Variants in SLC30A9 observed in about 807,000 individuals in gnomAD.
SLC30A9 encodes the protein proton-coupled zinc antiporter SLC30A9, mitochondrial.
Under a neutral mutation model 87.5 loss-of-function variants are expected in SLC30A9, and 58 were observed. That is an observed-to-expected ratio of 0.66 (90% CI 0.54 to 0.82). The LOEUF is 0.82. Ranked by LOEUF, SLC30A9 falls within the 40% of genes least tolerant of loss-of-function variation. The probability of loss-of-function intolerance (pLI) is 0.00; values close to 1 mark genes in which losing one functional copy is unlikely to be tolerated. For synonymous variants in SLC30A9, 234 were observed against 233.0 expected (o/e 1.00, Z -0.04); for missense variants, 557 against 679.1 (o/e 0.82, Z 2.00).
chr4:42,064,686 G>A (rs536070460), intron 11 of SLC30A9, among the ~76,000 whole-genome samples: 1 of 152,250 alleles, frequency 6.6e-6, no homozygotes, highest in South Asian at 2.1e-4. Flanking sequence ...TTTCAGTTGT[G>A]TATAAGTTTT....
chr4:42,011,185 T>A (rs1715427519), intron 2 of SLC30A9, among the ~76,000 whole-genome samples: 1 of 152,190 alleles, frequency 6.6e-6, no homozygotes, highest in Non-Finnish European at 1.5e-5. Context: ...AGAGGCCTCA[T>A]GTGGCAGAAG....
At chr4:42,055,796 T>A (rs767143133) in intron 9 of SLC30A9, among the ~76,000 whole-genome samples, 1 of 152,194 alleles carries the variant, frequency 6.6e-6, no homozygotes, top group Non-Finnish European at 1.5e-5. Flanking sequence ...ACTAGAAAGA[T>A]CTTCTAAGGT....
intron 2 of SLC30A9, among the ~76,000 whole-genome samples, chr4:42,007,765 A>G (rs78011852): frequency 1.3e-5 from 2 of 152,158 alleles, no homozygotes; most frequent in Non-Finnish European, 2.9e-5. Context: ...TCAAAAAACA[A>G]AAGATGTCAC....
At chr4:42,014,664 C>T (rs972738370) in intron 2 of SLC30A9, among the ~76,000 whole-genome samples, 4 of 151,984 alleles carry the variant, frequency 2.6e-5, no homozygotes, top group Admixed American at 6.6e-5. Flanking sequence ...AAGTGTCCAT[C>T]AGCAAATGAA....
intron 6 of SLC30A9, 152 bp from the exon 7 acceptor site, chr4:42,035,123 T>G (rs1241262940): frequency 1.6e-6 from 1 of 623,658 alleles, no homozygotes; most frequent in Non-Finnish European, 2.6e-6. Flanking sequence ...CATTTTTTAA[T>G]CAGTTTACAA....
intron 15 of SLC30A9, among the ~76,000 whole-genome samples, chr4:42,074,765 G>A (rs1718453923): frequency 6.6e-6 from 1 of 151,786 alleles, no homozygotes; most frequent in Admixed American, 6.6e-5. Flanking sequence ...TTTTATATAT[G>A]TATTAGCTCA....
intron 6 of SLC30A9, among the ~76,000 whole-genome samples, chr4:42,032,215 C>G (rs1335428669): frequency 6.6e-6 from 1 of 151,672 alleles, no homozygotes; most frequent in Non-Finnish European, 1.5e-5. Flanking sequence ...CAGTTACCCC[C>G]CCACCAGGCC....
Position 42,089,983 on chromosome 4 carries a change from AATG to A in SLC30A9, c.*3860_*3862del, listed in dbSNP as rs1719043011. The A allele has an allele frequency of 6.6e-6, 1 of 152,232 alleles. No homozygotes were observed. Among genetic ancestry groups the A allele is most frequent in the South Asian group, 2.1e-4 (1 of 4,832 alleles). The allele number at this position is 152,232 out of a possible 1,614,324, so 9.4% of individuals were successfully genotyped here. ...TAATTTAGGTAATGATTTTTGCTAA[AATG>A]ATAACCATCTAAAGAGTGCCTAAGT... On this transcript the variant is annotated 3_prime_UTR_variant, in exon 18 of 18. Transcript: ENST00000264451.
At position 42,028,447 on chromosome 4, in the gene SLC30A9, A is replaced by G. The variant is rs570662708; in HGVS notation, c.610+5063A>G. 8.5e-5 allele frequency among the ~76,000 whole-genome samples: 13 copies of G among 152,362 alleles called. No individual in the cohort carries two copies. The South Asian group carries it at 2.7e-3, about 32-fold the overall frequency. ...TGAGAATATTTTCAAAGAAGATGTGAAAATACTAATTCAGTAAACCTGATG... is the reference window on the plus strand; with the variant it reads ...TGAGAATATTTTCAAAGAAGATGTGGAAATACTAATTCAGTAAACCTGATG... On this transcript the variant is annotated intron_variant, in intron 6 of 17. Coordinates refer to ENST00000264451, the MANE Select transcript of SLC30A9 (RefSeq NM_006345.4).
At chr4:42,076,829 G>A (rs937488649) in intron 16 of SLC30A9, among the ~76,000 whole-genome samples, 1 of 152,044 alleles carries the variant, frequency 6.6e-6, no homozygotes, top group Non-Finnish European at 1.5e-5. Flanking sequence ...GGGTGTGGTG[G>A]TGCGTGCCTG....
Position 42,029,178 on chromosome 4 carries a change from C to T in SLC30A9, c.610+5794C>T, listed in dbSNP as rs749379862. The T allele has an allele frequency of 1.4e-4, 53 of 371,380 alleles. 1 individual carries two copies. The highest frequency in any genetic ancestry group is 9.2e-4 in the African/African-American group (42 of 45,740). 23.0% of individuals were successfully genotyped at this position (371,380 alleles called of 1,614,324 possible). ...CGTGCCCCGAAGCCACCCACCCTTC[C>T]GACTGCGGCAGCTGCTGACCCGCTG... On this transcript the variant is annotated intron_variant, in intron 6 of 17. Transcript: ENST00000264451.
chr4:42,075,031 A>G (rs1475911077), intron 15 of SLC30A9, among the ~76,000 whole-genome samples: 1 of 4,968 alleles, frequency 2.0e-4, no homozygotes, highest in Non-Finnish European at 4.2e-4. Context: ...ATATATATAT[A>G]TATATATATA....
intron 2 of SLC30A9, among the ~76,000 whole-genome samples, chr4:42,013,124 T>C (rs1715522477): frequency 6.6e-6 from 1 of 151,792 alleles, no homozygotes; most frequent in Non-Finnish European, 1.5e-5. Context: ...CTACAAAAAA[T>C]TTAAAAATTA....
chr4:42,019,334 T>C (rs1369421012), intron 3 of SLC30A9, among the ~76,000 whole-genome samples: 1 of 152,216 alleles, frequency 6.6e-6, no homozygotes, highest in African/African-American at 2.4e-5. Flanking sequence ...CACCTTATAA[T>C]GATTTATTAA....
chr4:42,057,957 C>G (rs569244340), intron 9 of SLC30A9, among the ~76,000 whole-genome samples: 3 of 152,020 alleles, frequency 2.0e-5, no homozygotes, highest in African/African-American at 4.8e-5. Context: ...CAAAAATTAG[C>G]TGGGTGTGGT....
intron 2 of SLC30A9, among the ~76,000 whole-genome samples, chr4:42,016,562 T>C (rs1462570809): frequency 6.6e-6 from 1 of 152,188 alleles, no homozygotes; most frequent in Non-Finnish European, 1.5e-5. Context: ...GATTTACTTT[T>C]TTCATTAAAT....
chr4:42,027,529 G>A (rs1355578225), intron 6 of SLC30A9, among the ~76,000 whole-genome samples: 1 of 150,742 alleles, frequency 6.6e-6, no homozygotes, highest in Non-Finnish European at 1.5e-5. Flanking sequence ...ATCTAGTGTT[G>A]TGCTTTTAAG....
At chr4:41,991,460 C>G (rs1205132531) in intron 1 of SLC30A9, among the ~76,000 whole-genome samples, 7 of 152,172 alleles carry the variant, frequency 4.6e-5, no homozygotes, top group Non-Finnish European at 8.8e-5. Flanking sequence ...TTGAGAGTTT[C>G]CAAAATAACA....
intron 9 of SLC30A9, among the ~76,000 whole-genome samples, chr4:42,055,286 T>C (rs4241697): frequency 0.65 from 99,349 of 152,210 alleles, 36,937 homozygotes; most frequent in East Asian, 0.96. Flanking sequence ...TTCATTGTAA[T>C]ATTTTTATGC....
Sources: allele counts gnomAD v4.1 joint callset (sites outside exome capture counted in the v4.1 genomes callset), GRCh38; gene constraint gnomAD v4.1.1; transcripts MANE v1.5; gene names NCBI Gene and HGNC (gene_info 2026-07-23, HGNC 2026-07-21).